Variants in PAPLN observed in about 807,000 individuals in gnomAD.
The protein encoded by PAPLN is papilin.
In PAPLN, 146 loss-of-function variants were observed where a neutral mutation model predicts 159.0. The ratio of observed to expected loss-of-function variants is 0.92; its 90% confidence interval spans 0.80 to 1.05. The LOEUF (loss-of-function observed/expected upper bound fraction) is 1.05. PAPLN is among the 50% of genes least tolerant of loss of function. The pLI, the probability that PAPLN is intolerant of heterozygous loss-of-function variation, is 0.00. For missense variants in PAPLN, 1,720 were observed against 1,743.9 expected, an observed-to-expected ratio of 0.99 and a Z score of 0.24; for synonymous variants, 734 against 702.9, an observed-to-expected ratio of 1.04 and a Z score of -0.70.
chr14:73,244,768 G>A lies in PAPLN; in HGVS notation c.170+9G>A, dbSNP rs1884008702. 1 of 1,522,858 alleles carries A rather than the reference G, an allele frequency of 6.6e-7. No individual in the cohort carries two copies. The highest frequency in any genetic ancestry group is 1.2e-5 in the South Asian group (1 of 80,032). The allele number at this position is 1,522,858 out of a possible 1,614,324, so 94.3% of individuals were successfully genotyped here. A position where few individuals can be genotyped will look rare whatever the true frequency, so the allele number is the denominator to read the frequency against. ...CCCTGCTACTCCCAGAGGTAGGAGA[G>A]ATGAAAATGGGCCAGCTTGTTAAAG... On this transcript the variant is annotated intron_variant, in intron 3 of 26. Transcript: ENST00000644200.
In PAPLN at chr14:73,260,810, C is replaced by T. The variant is rs141641669; in HGVS notation, c.2087C>T (p.Ser696Leu). 1.5e-5 allele frequency: 23 copies of T among 1,495,924 alleles called. No individual in the cohort carries two copies. The African/African-American group carries it at 2.7e-4, about 17-fold the overall frequency. The allele number at this position is 1,495,924 out of a possible 1,614,324, so 92.7% of individuals were successfully genotyped here. A position where few individuals can be genotyped will look rare whatever the true frequency, so the allele number is the denominator to read the frequency against. ...GACAGCACCGGGGGCATGCCCAGGT[C>T]AAGGGCAGTGGCTTCTACAGTAAGT... Reference protein sequence around the residue: ...GGDSTGGMPRSRAVASTVHNT... With the variant: ...GGDSTGGMPRLRAVASTVHNT... Residue 696 changes from serine to leucine, a missense_variant, in exon 17 of 27, where the codon TCA becomes TTA. Physicochemically the swap from Ser to Leu is moderately radical, Grantham distance 145. Coordinates refer to ENST00000644200, the MANE Select transcript of PAPLN (RefSeq NM_001365906.3).
chr14:73,265,411 G>A lies in PAPLN; in HGVS notation c.3167G>A (p.Ser1056Asn). Residue 1056 changes from serine (S) to asparagine (N), a missense_variant, in exon 23 of 27, where the codon AGT becomes AAT. Ser to Asn is a conservative substitution (Grantham distance 46). Coordinates refer to ENST00000644200, the MANE Select transcript of PAPLN (RefSeq NM_001365906.3). The surrounding 1 kb of genome is among the most constrained non-coding windows in gnomAD (Gnocchi z 4.1). ...DQNQPRVVDA[S>N]PGQRIRMTCR... ...AACCAGCCCCGGGTGGTGGATGCCA[G>A]TCCAGGCCAGCGGATCCGGATGACC... The A allele has an allele frequency of 6.2e-7, 1 of 1,612,340 alleles. No individual in the cohort carries two copies. Among genetic ancestry groups the A allele is most frequent in the Non-Finnish European group, 8.5e-7 (1 of 1,180,014 alleles).
intron 2 of PAPLN, among the ~76,000 whole-genome samples, chr14:73,241,482 A>C (rs1379278785): frequency 6.6e-6 from 1 of 152,256 alleles, no homozygotes; most frequent in Non-Finnish European, 1.5e-5. Context: ...GTTGTCATGC[A>C]GATGAAACAA....
chr14:73,249,855 T>C (rs1287846659), intron 5 of PAPLN, 129 bp from the exon 6 acceptor site: 1 of 1,046,528 alleles, frequency 9.6e-7, no homozygotes, highest in Non-Finnish European at 1.3e-6. Flanking sequence ...GGGGCGGGGA[T>C]CTGTGCTCTG....
rs770760369 is a variant in PAPLN, at chr14:73,264,599, G to A, written c.2998G>A (p.Ala1000Thr). The A allele has an allele frequency of 6.3e-7, 1 of 1,599,614 alleles. No homozygotes were observed. The highest frequency in any genetic ancestry group is 1.1e-5 in the South Asian group (1 of 88,898). Residue 1000 changes from alanine to threonine, a missense_variant, in exon 22 of 27, where the codon GCC becomes ACC. Physicochemically the swap from Ala to Thr is moderately conservative, Grantham distance 58. Coordinates refer to ENST00000644200, the MANE Select transcript of PAPLN (RefSeq NM_001365906.3). ...TGGCCTCATGACAGGGGGTGACATG[G>A]CCGTGCTGTCTGAGGCTGAGCTGAG... is the stretch of plus-strand genomic sequence containing the variant. ...IQLRIIGGDMAVLSEAELSRF... is the reference protein window; with the variant it reads ...IQLRIIGGDMTVLSEAELSRF...
chr14:73,259,771 C>T (rs1015275553), intron 16 of PAPLN, among the ~76,000 whole-genome samples: 5 of 152,178 alleles, frequency 3.3e-5, no homozygotes, highest in African/African-American at 1.2e-4. Flanking sequence ...CAAACCCCCA[C>T]CTTACTGCAG....
chr14:73,274,376 G>C lies in PAPLN; in HGVS notation c.*1712G>C, dbSNP rs1887974276. The C allele has an allele frequency of 6.6e-6, 1 of 152,216 alleles. No individual in the cohort carries two copies. Among genetic ancestry groups the C allele is most frequent in the African/African-American group, 2.4e-5 (1 of 41,456 alleles). 9.4% of individuals were successfully genotyped at this position (152,216 alleles called of 1,614,324 possible). On this transcript the variant is annotated 3_prime_UTR_variant, in exon 27 of 27. Transcript: ENST00000644200. Reference sequence around the variant, plus strand: ...AAAGGTTATTCCTGGACACAGGAAAGACGGGCATTACAGGGACCAAAGCTC... The same window carrying C: ...AAAGGTTATTCCTGGACACAGGAAACACGGGCATTACAGGGACCAAAGCTC...
chr14:73,258,618 T>TAAA (rs57126237), intron 14 of PAPLN, among the ~76,000 whole-genome samples: 35 of 75,764 alleles, frequency 4.6e-4, no homozygotes, highest in Admixed American at 1.1e-3. Flanking sequence ...ACCCTATCTC[T>TAAA]AAAAAAAAAA....
intron 13 of PAPLN, 73 bp from the exon 14 acceptor site, chr14:73,254,804 G>A: frequency 6.3e-7 from 1 of 1,594,534 alleles, no homozygotes; most frequent in Non-Finnish European, 8.5e-7. Flanking sequence ...ACCTTCCCCT[G>A]CCTCTCTCCA....
Position 73,271,505 on chromosome 14 carries a change from T to A in PAPLN, c.3668-990T>A, listed in dbSNP as rs927286366. On this transcript the variant is annotated intron_variant, in intron 26 of 26. Transcript: ENST00000644200. ...GAGAGATGAAGCAGTAGAATGAAAT[T>A]TTTTTTTTTTTTTTAAGACAGAATC... Among the ~76,000 whole-genome samples, 3 of 144,894 alleles carry A rather than the reference T, an allele frequency of 2.1e-5. No individual in the cohort carries two copies. The Admixed American group carries it at 2.1e-4, about 10-fold the overall frequency.
At chr14:73,264,091 G>A (rs1462969748) in intron 20 of PAPLN, 120 bp from the exon 21 acceptor site, 34 of 1,574,836 alleles carry the variant, frequency 2.2e-5, no homozygotes, top group Non-Finnish European at 2.9e-5. Flanking sequence ...AGCCTCACTT[G>A]GGGTGGGAGG....
In PAPLN at chr14:73,245,995, C is replaced by CT. The variant is rs201341386; in HGVS notation, c.232-77dup. The CT allele has an allele frequency of 0.011, 15,919 of 1,389,582 alleles. 116 individuals carry two copies. Among genetic ancestry groups the CT allele is most frequent in the Non-Finnish European group, 0.013 (14,142 of 1,051,368 alleles). 86.1% of individuals were successfully genotyped at this position (1,389,582 alleles called of 1,614,324 possible). A position where few individuals can be genotyped will look rare whatever the true frequency, so the allele number is the denominator to read the frequency against. ...CAGGCAAGGGAGACTCCTGGGCTCC[C>CT]TGGGCTCGGGCGGGGCGGGAGGTGG... On this transcript the variant is annotated intron_variant, in intron 4 of 26. Transcript: ENST00000644200. This position sits in a 1 kb window ranked among gnomAD's most constrained non-coding sequence, Gnocchi z 4.2.
Position 73,262,697 on chromosome 14 carries a change from G to A in PAPLN, c.2593G>A (p.Gly865Arg). The change falls in exon 19 of 27, where the codon GGG becomes AGG. Residue 865 changes from glycine to arginine, a missense_variant. By Grantham distance (125) the Gly-to-Arg change is moderately radical (BLOSUM62 -2). Coordinates refer to ENST00000644200, the MANE Select transcript of PAPLN (RefSeq NM_001365906.3). ...TCTCTGGCGGCAAGACCAACAGCCTGGGCCAGGGGAGGCCCCCCACACCCA... is the reference window on the plus strand; with the variant it reads ...TCTCTGGCGGCAAGACCAACAGCCTAGGCCAGGGGAGGCCCCCCACACCCA... The part of the protein sequence containing the change: ...GGLWRQDQQP[G>R]PGEAPHTQAF... 6.6e-7 allele frequency: 1 copy of A among 1,510,314 alleles called. No individual in the cohort carries two copies. Among genetic ancestry groups the A allele is most frequent in the East Asian group, 2.3e-5 (1 of 43,588 alleles). The allele number at this position is 1,510,314 out of a possible 1,614,324, so 93.6% of individuals were successfully genotyped here.
In PAPLN at chr14:73,263,688, C is replaced by T; in HGVS notation, c.2767C>T (p.Leu923=). The T allele has an allele frequency of 6.2e-7, 1 of 1,613,540 alleles. No individual in the cohort carries two copies. The highest frequency in any genetic ancestry group is 8.5e-7 in the Non-Finnish European group (1 of 1,179,994). Residue 923 remains leucine (L), a synonymous_variant, in exon 20 of 27, where the codon CTG becomes TTG. Transcript: ENST00000644200. ...GVEPSLVQAA[L]GQLVRLSCSD... is the part of the protein sequence containing the mutation. ...GGAGCCCTCGTTGGTGCAGGCAGCC[C>T]TGGGGCAGTTGGTGCGGCTCTCCTG...
At chr14:73,250,794 G>T (rs1253885684) in intron 6 of PAPLN, 113 bp from the exon 7 acceptor site, 2 of 1,310,664 alleles carry the variant, frequency 1.5e-6, no homozygotes, top group East Asian at 5.6e-5. Context: ...AATCACTCCC[G>T]ACCACCCTAT....
In PAPLN at chr14:73,251,028, G is replaced by T; in HGVS notation, c.587G>T (p.Arg196Leu). ...ACCTTTGACGCTAATGACCTCAGCC[G>T]AGGTGGGGGTGGTTCCGACAAGGGG... is the stretch of plus-strand genomic sequence containing the variant. ...AGTFDANDLS[R>L]GYNQILIVPM... The change falls in exon 7 of 27, where the codon CGA becomes CTA. Residue 196 changes from arginine (R) to leucine (L), a missense_variant and splice_region_variant. By Grantham distance (102) the Arg-to-Leu change is moderately radical (BLOSUM62 -2). Coordinates refer to ENST00000644200, the MANE Select transcript of PAPLN (RefSeq NM_001365906.3). 1.2e-6 allele frequency: 2 copies of T among 1,610,536 alleles called. No individual in the cohort carries two copies. Among genetic ancestry groups the T allele is most frequent in the Non-Finnish European group, 8.5e-7 (1 of 1,178,442 alleles).
upstream of PAPLN, among the ~76,000 whole-genome samples, chr14:73,236,748 G>A (rs1211475540): frequency 2.0e-5 from 3 of 151,610 alleles, no homozygotes; most frequent in Non-Finnish European, 4.4e-5. Flanking sequence ...CCCAGGAGGC[G>A]GAGGTTGCAG....
At chr14:73,264,176 C>G (rs1215073331) in intron 20 of PAPLN, 35 bp from the exon 21 acceptor site, 2 of 1,611,794 alleles carry the variant, frequency 1.2e-6, no homozygotes, top group African/African-American at 1.3e-5. Context: ...CCTTGGGAGC[C>G]CAGAGCTCAT....
intron 26 of PAPLN, among the ~76,000 whole-genome samples, chr14:73,271,746 C>T (rs576473496): frequency 2.6e-5 from 4 of 152,272 alleles, no homozygotes; most frequent in Admixed American, 6.5e-5. Flanking sequence ...GTGATCCGCC[C>T]GCCTTGGCCT....
Sources: allele counts gnomAD v4.1 joint callset (sites outside exome capture counted in the v4.1 genomes callset), GRCh38; gene constraint gnomAD v4.1.1; non-coding constraint Gnocchi (gnomAD v3.1); transcripts MANE v1.5; gene names NCBI Gene and HGNC (gene_info 2026-07-23, HGNC 2026-07-21).